Variants in EREG observed in about 807,000 individuals in gnomAD.
The protein encoded by EREG is proepiregulin.
A neutral mutation model predicts 22.4 loss-of-function variants in EREG; 23 were observed. That is an observed-to-expected ratio of 1.03 (90% confidence interval 0.74 to 1.46). The LOEUF is 1.46. Ranked by LOEUF, EREG falls within the 40% of genes most tolerant of loss-of-function variation. EREG has a pLI of 0.00. For missense variants in EREG, 226 were observed against 205.9 expected, an observed-to-expected ratio of 1.10 and a Z score of -0.60; for synonymous variants, 100 against 75.4, an observed-to-expected ratio of 1.33 and a Z score of -1.69.
intron 1 of EREG, among the ~76,000 whole-genome samples, chr4:74,365,932 G>A (rs531642224): frequency 1.3e-5 from 2 of 152,226 alleles, no homozygotes; most frequent in East Asian, 1.9e-4. Context: ...AACACTGGTC[G>A]AGGGTATCTG....
chr4:74,382,166 G>A (rs1348632402), intron 3 of EREG, among the ~76,000 whole-genome samples: 4 of 151,902 alleles, frequency 2.6e-5, no homozygotes, highest in African/African-American at 9.7e-5. Context: ...TTAGCGAGGC[G>A]TGGTGGCGCA....
chr4:74,382,739 CTTA>C lies in EREG; in HGVS notation c.379_381del (p.Ile127del). The C allele has an allele frequency of 6.2e-7, 1 of 1,613,738 alleles. No individual in the cohort carries two copies. Among genetic ancestry groups the C allele is most frequent in the Non-Finnish European group, 8.5e-7 (1 of 1,179,790 alleles). On this transcript the variant is annotated inframe_deletion, in exon 4 of 5. Coordinates refer to ENST00000244869, the MANE Select transcript of EREG (RefSeq NM_001432.3). ...AGAATATGTGGCTTTGACCGTGATT[CTTA>C]TTATTTTGTTTCTTATCACAGTCGT...
intron 4 of EREG, among the ~76,000 whole-genome samples, chr4:74,383,146 A>G (rs1210511619): frequency 6.6e-6 from 1 of 152,216 alleles, no homozygotes; most frequent in Non-Finnish European, 1.5e-5. Context: ...GACCTTACAT[A>G]AGTCAAATTG....
chr4:74,369,761 A>C (rs1397868006), intron 1 of EREG, among the ~76,000 whole-genome samples: 2 of 152,102 alleles, frequency 1.3e-5, no homozygotes, highest in African/African-American at 4.8e-5. Flanking sequence ...TTCATGCACC[A>C]GTTTTTTCTT....
intron 1 of EREG, among the ~76,000 whole-genome samples, chr4:74,378,716 T>C (rs1311983616): frequency 6.6e-6 from 1 of 152,228 alleles, no homozygotes; most frequent in African/African-American, 2.4e-5. Flanking sequence ...GTTCTTCTTA[T>C]GATGATTCCT....
intron 1 of EREG, among the ~76,000 whole-genome samples, chr4:74,368,370 G>T (rs1027138188): frequency 2.6e-5 from 4 of 152,040 alleles, no homozygotes; most frequent in Non-Finnish European, 5.9e-5. Context: ...AGTTGACTGG[G>T]GCCCTTATTT....
chr4:74,372,779 A>G lies in EREG; in HGVS notation c.68-6669A>G, dbSNP rs898557152. ...AGATTTTAGTCACAGAGTTCCAAAC[A>G]CTCAGATTAATTTAAATTGTACTTT... On this transcript the variant is annotated intron_variant, in intron 1 of 4. Coordinates refer to ENST00000244869, the MANE Select transcript of EREG (RefSeq NM_001432.3). Among the ~76,000 whole-genome samples, 17 of 147,916 alleles carry G rather than the reference A, an allele frequency of 1.1e-4. No individual in the cohort carries two copies. In the East Asian group the frequency reaches 2.0e-3, roughly 17 times the overall value.
At chr4:74,377,061 T>C (rs1269609437) in intron 1 of EREG, among the ~76,000 whole-genome samples, 1 of 151,584 alleles carries the variant, frequency 6.6e-6, no homozygotes, top group Non-Finnish European at 1.5e-5. Flanking sequence ...ACAAACTTGT[T>C]ATAAACCAGA....
At chr4:74,368,880 C>A (rs1048738372) in intron 1 of EREG, among the ~76,000 whole-genome samples, 2 of 152,138 alleles carry the variant, frequency 1.3e-5, no homozygotes, top group Non-Finnish European at 2.9e-5. Context: ...GTCTGACAGC[C>A]ATTGCCTTGA....
intron 1 of EREG, among the ~76,000 whole-genome samples, chr4:74,376,845 C>T (rs986068343): frequency 6.6e-6 from 1 of 152,106 alleles, no homozygotes; most frequent in African/African-American, 2.4e-5. Flanking sequence ...GTATTTGAGA[C>T]TAATAACTAC....
chr4:74,384,737 C>A lies in EREG; in HGVS notation c.439C>A (p.Arg147=), dbSNP rs376236920. Residue 147 remains arginine (R), a synonymous_variant, in exon 5 of 5, where the codon CGA becomes AGA. Transcript: ENST00000244869. ...TYYFCRWYRN[R]KSKEPKKEYE... is the part of the protein sequence containing the mutation. ...TGTGAATATTTCCAGGTACAGAAAT[C>A]GAAAAAGTAAAGAACCAAAGAAGGA... 21 of 1,608,992 alleles carry A rather than the reference C, an allele frequency of 1.3e-5. No individual in the cohort carries two copies. Among genetic ancestry groups the A allele is most frequent in the East Asian group, 2.2e-5 (1 of 44,828 alleles).
intron 1 of EREG, among the ~76,000 whole-genome samples, chr4:74,376,635 T>C (rs1176079260): frequency 6.6e-6 from 1 of 152,206 alleles, no homozygotes; most frequent in Non-Finnish European, 1.5e-5. Context: ...TTTTTGTAGT[T>C]CCACAAGAGC....
chr4:74,366,044 G>A (rs1255258684), intron 1 of EREG, among the ~76,000 whole-genome samples: 1 of 152,120 alleles, frequency 6.6e-6, no homozygotes, highest in Non-Finnish European at 1.5e-5. Flanking sequence ...AGCCTCTGGA[G>A]CAAGCGTTCT....
chr4:74,383,839 T>A (rs1752522979), intron 4 of EREG, among the ~76,000 whole-genome samples: 1 of 152,178 alleles, frequency 6.6e-6, no homozygotes, highest in South Asian at 2.1e-4. Flanking sequence ...TTATTAAAAC[T>A]GAAATATGCC....
chr4:74,372,043 A>G (rs568399435), intron 1 of EREG, among the ~76,000 whole-genome samples: 2 of 152,328 alleles, frequency 1.3e-5, no homozygotes, highest in East Asian at 3.9e-4. Context: ...TTTATTGAGT[A>G]AACATTATTT....
rs139275751 is a variant in EREG, at chr4:74,384,773, G to A, written c.475G>A (p.Val159Ile). Residue 159 changes from valine to isoleucine, a missense_variant, in exon 5 of 5, where the codon GTT becomes ATT. Coordinates refer to ENST00000244869, the MANE Select transcript of EREG (RefSeq NM_001432.3). The part of the protein sequence containing the change: ...SKEPKKEYER[V>I]TSGDPELPQV ...AGAACCAAAGAAGGAATATGAGAGA[G>A]TTACCTCAGGGGATCCAGAGTTGCC... The A allele has an allele frequency of 6.2e-7, 1 of 1,613,312 alleles. No individual in the cohort carries two copies. Among genetic ancestry groups the A allele is most frequent in the East Asian group, 2.2e-5 (1 of 44,852 alleles).
At chr4:74,376,313 G>A (rs1752382302) in intron 1 of EREG, among the ~76,000 whole-genome samples, 1 of 152,156 alleles carries the variant, frequency 6.6e-6, no homozygotes, top group Non-Finnish European at 1.5e-5. Context: ...CATTTTCCTG[G>A]AGGGAGAATT....
intron 3 of EREG, chr4:74,382,436 AT>A: frequency 2.3e-6 from 1 of 443,960 alleles, no homozygotes; most frequent in Non-Finnish European, 4.0e-6. Flanking sequence ...CACAACCGTC[AT>A]TTTAATACTA....
chr4:74,379,499 T>C lies in EREG; in HGVS notation c.119T>C (p.Ile40Thr). The C allele has an allele frequency of 6.2e-7, 1 of 1,612,526 alleles. No homozygotes were observed. Among genetic ancestry groups the C allele is most frequent in the Admixed American group, 1.7e-5 (1 of 60,032 alleles). The change falls in exon 2 of 5, where the codon ATC becomes ACC. Residue 40 changes from isoleucine (I) to threonine (T), a missense_variant. Physicochemically the swap from Ile to Thr is moderately conservative, Grantham distance 89. Transcript: ENST00000244869. ...AGTACAACTGTGATTCCATCATGTA[T>C]CCCAGGAGAGTCCAGTGATAACTGC... ...VLSTTVIPSCIPGESSDNCTA... is the reference protein window; with the variant it reads ...VLSTTVIPSCTPGESSDNCTA...
Sources: gnomAD v4.1 joint callset for allele counts (sites outside exome capture counted in the v4.1 genomes callset) on GRCh38, gnomAD v4.1.1 for gene constraint, MANE v1.5 for transcripts, NCBI Gene and HGNC (gene_info 2026-07-23, HGNC 2026-07-21) for gene names.